The following ZNF75D variants were observed in gnomAD, a reference collection of about 807,000 sequenced individuals.
The protein encoded by ZNF75D is zinc finger protein 75.
Under a neutral mutation model 33.3 loss-of-function variants are expected in ZNF75D, and 33 were observed. That is an observed-to-expected ratio of 0.99 (90% CI 0.75 to 1.32). The LOEUF (loss-of-function observed/expected upper bound fraction) is 1.32. Ranked by LOEUF, ZNF75D falls within the 40% of genes most tolerant of loss-of-function variation. The pLI, the probability that ZNF75D is intolerant of heterozygous loss-of-function variation, is 0.00. For synonymous variants in ZNF75D, 113 were observed against 130.6 expected (o/e 0.87, Z 0.92); for missense variants, 338 against 367.5 (o/e 0.92, Z 0.66).
chrX:135,271,046 A>G (rs2083881211), intron 1 of ZNF75D, among the ~76,000 whole-genome samples: 1 of 111,444 alleles, frequency 9.0e-6, no homozygotes, highest in Admixed American at 9.5e-5. Context: ...GTGAGTACAG[A>G]ACTTGAGTTA....
At chrX:135,306,455 C>G (rs1556425800) in intron 1 of ZNF75D, among the ~76,000 whole-genome samples, 1 of 112,174 alleles carries the variant, frequency 8.9e-6, no homozygotes, top group Non-Finnish European at 1.9e-5. Flanking sequence ...ATGAACATGT[C>G]TATCAATTCC....
chrX:135,261,904 C>T (rs1477359008), intron 1 of ZNF75D, among the ~76,000 whole-genome samples: 1 of 112,087 alleles, frequency 8.9e-6, no homozygotes, highest in Non-Finnish European at 1.9e-5. Flanking sequence ...ATGGTCTTTA[C>T]AATTTGGCAT....
chrX:135,266,004 TC>T (rs1467200616), intron 1 of ZNF75D, among the ~76,000 whole-genome samples: 4 of 112,325 alleles, frequency 3.6e-5, no homozygotes, highest in Admixed American at 9.4e-5. Context: ...TTATTAGTTT[TC>T]TTTTTGCATG....
intron 1 of ZNF75D, among the ~76,000 whole-genome samples, chrX:135,327,039 A>G (rs2084589452): frequency 8.9e-6 from 1 of 112,703 alleles, no homozygotes; most frequent in Non-Finnish European, 1.9e-5. Context: ...TATCTTTACC[A>G]TACAAAAGGG....
chrX:135,334,900 T>C lies in ZNF75D; in HGVS notation c.-391+6868A>G, dbSNP rs140750998. Among the ~76,000 whole-genome samples, 6 of 111,600 alleles carry C rather than the reference T, an allele frequency of 5.4e-5. No homozygotes were observed. The East Asian group carries it at 1.7e-3, about 32-fold the overall frequency. On this transcript the variant is annotated intron_variant, in intron 1 of 6. Transcript: ENST00000370766. ...TCACATTTACCCCCAGGACCACAGT[T>C]ATGAGGGAGCACATGGCCCAGAGAA...
At chrX:135,325,869 CACCTG>C (rs2084563857) in intron 1 of ZNF75D, among the ~76,000 whole-genome samples, 3 of 112,699 alleles carry the variant, frequency 2.7e-5, no homozygotes, top group Non-Finnish European at 5.6e-5. Flanking sequence ...CAGGCAGCTC[CACCTG>C]CAGCCCCGGT....
intron 1 of ZNF75D, among the ~76,000 whole-genome samples, chrX:135,325,979 C>G (rs1028466264): frequency 1.8e-5 from 2 of 112,246 alleles, no homozygotes; most frequent in Non-Finnish European, 3.8e-5. Flanking sequence ...ATACACCAAT[C>G]AGCACCCTGT....
At chrX:135,257,522 G>A (rs1046591187) in intron 1 of ZNF75D, among the ~76,000 whole-genome samples, 9 of 113,286 alleles carry the variant, frequency 7.9e-5, no homozygotes, top group Admixed American at 5.5e-4. Context: ...GGTAAATTGC[G>A]AAGGTATTTT....
intron 1 of ZNF75D, among the ~76,000 whole-genome samples, chrX:135,325,281 T>A (rs2084547303): frequency 9.3e-6 from 1 of 107,774 alleles, no homozygotes; most frequent in South Asian, 4.3e-4. Context: ...CATTGAGAGG[T>A]GACAGCACGC....
intron 1 of ZNF75D, among the ~76,000 whole-genome samples, chrX:135,279,097 C>T (rs2083910489): frequency 1.8e-5 from 2 of 111,447 alleles, no homozygotes; most frequent in African/African-American, 6.5e-5. Context: ...TGGTAGAATT[C>T]GGCTGTGAAT....
Position 135,329,293 on chromosome X carries a change from T to C in ZNF75D, c.-391+12475A>G, listed in dbSNP as rs191640252. 3.9e-3 allele frequency among the ~76,000 whole-genome samples: 439 copies of C among 112,243 alleles called. 13 individuals carry two copies. The highest frequency in any genetic ancestry group is 0.038 in the Admixed American group (402 of 10,581). ...GCCTTTTTAAAAATTATTTATTTATTTATTTATTGAGACGGAGTCTTACTC... is the reference window on the plus strand; with the variant it reads ...GCCTTTTTAAAAATTATTTATTTATCTATTTATTGAGACGGAGTCTTACTC... On this transcript the variant is annotated intron_variant, in intron 1 of 6. Coordinates refer to ENST00000370766, the MANE Select transcript of ZNF75D (RefSeq NM_007131.5).
At chrX:135,265,472 A>G (rs1233920408) in intron 1 of ZNF75D, among the ~76,000 whole-genome samples, 3 of 111,547 alleles carry the variant, frequency 2.7e-5, no homozygotes, top group African/African-American at 9.8e-5. Context: ...GAAAAGAAAC[A>G]AATAACGTAC....
intron 2 of ZNF75D, chrX:135,253,642 T>G (rs1217857858): frequency 3.9e-6 from 1 of 254,670 alleles, no homozygotes; most frequent in Admixed American, 6.8e-5. Context: ...AGGGTGTTCT[T>G]GGGTTACACT....
chrX:135,288,538 T>C (rs2083990010), intron 6 of ZNF75D, among the ~76,000 whole-genome samples: 1 of 112,444 alleles, frequency 8.9e-6, no homozygotes, highest in Non-Finnish European at 1.9e-5. Flanking sequence ...TACTATTTAG[T>C]ATCTTGTAGC....
intron 1 of ZNF75D, among the ~76,000 whole-genome samples, chrX:135,324,101 C>T (rs1464997663): frequency 2.7e-5 from 3 of 110,709 alleles, no homozygotes; most frequent in Non-Finnish European, 3.8e-5. Context: ...GCAGGCAACC[C>T]GAGGCACTGA....
chrX:135,336,789 T>C (rs1193416781), intron 1 of ZNF75D, among the ~76,000 whole-genome samples: 2 of 112,459 alleles, frequency 1.8e-5, no homozygotes, highest in Non-Finnish European at 3.8e-5. Context: ...CCCCTCTCCT[T>C]ATTCCCAGGT....
At position 135,258,504 on chromosome X, in the gene ZNF75D, G is replaced by C. The variant is rs1273067140; in HGVS notation, n.828-2727C>G. Among the ~76,000 whole-genome samples the C allele has an allele frequency of 2.7e-5, 3 of 111,483 alleles. No homozygotes were observed. In the South Asian group the frequency reaches 1.1e-3, roughly 43 times the overall value. ...TTGCCATTCTAACTGGTGTGAGATG[G>C]TATCTCATGGTGGTTTTGATTTGCA... On this transcript the variant is annotated intron_variant and non_coding_transcript_variant, in intron 1 of 3. Transcript: ENST00000494295.
chrX:135,266,978 C>G (rs1274176720), intron 1 of ZNF75D, among the ~76,000 whole-genome samples: 3 of 111,031 alleles, frequency 2.7e-5, no homozygotes, highest in African/African-American at 9.8e-5. Context: ...GAAATTATAC[C>G]AACACATGGA....
intron 1 of ZNF75D, among the ~76,000 whole-genome samples, chrX:135,273,253 G>A (rs782518170): frequency 9.0e-6 from 1 of 111,679 alleles, no homozygotes; most frequent in East Asian, 2.8e-4. Flanking sequence ...CCGGGTTCTG[G>A]CTGGGGCCAC....
Sources: allele counts gnomAD v4.1 joint callset (sites outside exome capture counted in the v4.1 genomes callset), GRCh38; gene constraint gnomAD v4.1.1; transcripts MANE v1.5; gene names NCBI Gene and HGNC (gene_info 2026-07-23, HGNC 2026-07-21).